AFF3: variants seen among roughly 807,000 people sequenced by gnomAD.
AFF3 encodes the protein ALF transcription elongation factor 3.
Under a neutral mutation model 129.7 loss-of-function variants are expected in AFF3, and 32 were observed. The observed-to-expected ratio is 0.25, with a 90% CI of 0.19 to 0.33. AFF3 has a LOEUF of 0.33. AFF3 is among the 10% of genes least tolerant of loss of function. The pLI, the probability that AFF3 is intolerant of heterozygous loss-of-function variation, is 1.00. For synonymous variants in AFF3, 644 were observed against 635.4 expected (o/e 1.01, Z -0.20); for missense variants, 1,373 against 1,592.0 (o/e 0.86, Z 2.34).
chr2:100,016,582 C>T (rs62645272), intron 4 of AFF3, among the ~76,000 whole-genome samples: 34,779 of 125,182 alleles, frequency 0.28, 6,768 homozygotes, highest in African/African-American at 0.59. Flanking sequence ...ATGTTAGTGA[C>T]AGTAGTGATG....
chr2:99,800,668 A>G (rs1341413083), intron 8 of AFF3, among the ~76,000 whole-genome samples: 1 of 152,226 alleles, frequency 6.6e-6, no homozygotes, highest in African/African-American at 2.4e-5. Flanking sequence ...AAATGGATAC[A>G]ACCCAAACGT....
In AFF3 at chr2:99,554,515, G is replaced by A; in HGVS notation, c.3355C>T (p.Pro1119Ser). 6.2e-7 allele frequency: 1 copy of A among 1,613,418 alleles called. No individual in the cohort carries two copies. The highest frequency in any genetic ancestry group is 8.5e-7 in the Non-Finnish European group (1 of 1,179,876). Residue 1119 changes from proline (P) to serine (S), a missense_variant, in exon 24 of 25, where the codon CCC becomes TCC. Around this residue, in one of 9 missense-constraint regions of AFF3, gnomAD observed 165 missense variants for 234.0 expected, o/e 0.71. Transcript: ENST00000672756. ...GCGGGAGAGGGGTTGGGAGACATGG[G>A]GGATGGGGTTCCAGTGCTCCTGGAA... The part of the protein sequence containing the change: ...ASGKSTGTPS[P>S]MSPNPSPASS...
chr2:100,024,279 A>G (rs1037663457), intron 4 of AFF3, among the ~76,000 whole-genome samples: 5 of 147,312 alleles, frequency 3.4e-5, no homozygotes, highest in Admixed American at 6.8e-5. Flanking sequence ...AGAATTATTT[A>G]TAATTATAAA....
At chr2:99,576,039 A>AT (rs528574305) in intron 18 of AFF3, among the ~76,000 whole-genome samples, 27,486 of 145,340 alleles carry the variant, frequency 0.19, 2,678 homozygotes, top group East Asian at 0.36. Context: ...GTGAGACATG[A>AT]TTTTTTTTTT....
At position 100,137,536 on chromosome 2, in the gene AFF3, T is replaced by TACACACACACACAC. The variant is rs3038476; in HGVS notation, c.-228+4934_-228+4947dup. On this transcript the variant is annotated intron_variant, in intron 1 of 24. Transcript: ENST00000672756. ...GCATGTGTGCACGTGCACACGTGCA[T>TACACACACACACAC]ACACACACACACACACACACACAGA... Among the ~76,000 whole-genome samples, 6 of 144,138 alleles carry TACACACACACACAC rather than the reference T, an allele frequency of 4.2e-5. No individual in the cohort carries two copies. The South Asian group carries it at 6.7e-4, about 16-fold the overall frequency. 94.6% of individuals were successfully genotyped at this position (144,138 alleles called of 152,430 possible).
intron 7 of AFF3, among the ~76,000 whole-genome samples, chr2:99,968,119 A>G (rs1677972361): frequency 6.6e-6 from 1 of 152,072 alleles, no homozygotes; most frequent in Admixed American, 6.5e-5. Flanking sequence ...TCCTCCTCTC[A>G]AGGCCCACTC....
chr2:99,950,228 C>T (rs949620245), intron 7 of AFF3, among the ~76,000 whole-genome samples: 1 of 152,198 alleles, frequency 6.6e-6, no homozygotes, highest in African/African-American at 2.4e-5. Flanking sequence ...TTAAATGTAA[C>T]ATAATAGTAA....
At chr2:100,134,353 T>C (rs1226520694) in intron 1 of AFF3, among the ~76,000 whole-genome samples, 1 of 152,244 alleles carries the variant, frequency 6.6e-6, no homozygotes, top group East Asian at 1.9e-4. Flanking sequence ...AAATTTTTCT[T>C]CCCAACTGCT....
At chr2:99,985,559 G>C (rs915144457) in intron 7 of AFF3, among the ~76,000 whole-genome samples, 16 of 152,104 alleles carry the variant, frequency 1.1e-4, no homozygotes, top group African/African-American at 3.4e-4. Flanking sequence ...GAGAGGTAAG[G>C]ATAAATTAAT....
At chr2:99,808,746 G>A (rs1041118625) in intron 8 of AFF3, among the ~76,000 whole-genome samples, 1 of 152,172 alleles carries the variant, frequency 6.6e-6, no homozygotes, top group Non-Finnish European at 1.5e-5. Context: ...TAAAAATGAT[G>A]TACAATGTCA....
intron 8 of AFF3, among the ~76,000 whole-genome samples, chr2:99,833,797 T>C (rs767427649): frequency 1.3e-5 from 2 of 152,190 alleles, no homozygotes; most frequent in Non-Finnish European, 2.9e-5. Context: ...AAACTGCCTG[T>C]TACAAACATA....
chr2:100,113,087 G>A (rs1173135916), intron 2 of AFF3, among the ~76,000 whole-genome samples: 2 of 152,180 alleles, frequency 1.3e-5, no homozygotes, highest in Non-Finnish European at 2.9e-5. Flanking sequence ...CTTGAAGAAT[G>A]CAACCTCAAG....
intron 8 of AFF3, among the ~76,000 whole-genome samples, chr2:99,796,100 T>C (rs1270961381): frequency 6.6e-6 from 1 of 152,128 alleles, no homozygotes; most frequent in East Asian, 1.9e-4. Flanking sequence ...CCTCTTAAAC[T>C]CTCACCTGCA....
At position 100,071,234 on chromosome 2, in the gene AFF3, G is replaced by A. The variant is rs576520852; in HGVS notation, c.53+33168C>T. On this transcript the variant is annotated intron_variant, in intron 4 of 24. Coordinates refer to ENST00000672756, the MANE Select transcript of AFF3 (RefSeq NM_001386135.1). ...AAGAAGAAATAGAATGTATGCAAAA[G>A]CTTTTAATTCTGGAAATGTCATCAT... Among the ~76,000 whole-genome samples, 8 of 152,142 alleles carry A rather than the reference G, an allele frequency of 5.3e-5. No individual in the cohort carries two copies. In the South Asian group the frequency reaches 1.5e-3, roughly 28 times the overall value.
At chr2:100,038,554 G>C (rs1685164554) in intron 4 of AFF3, among the ~76,000 whole-genome samples, 3 of 152,090 alleles carry the variant, frequency 2.0e-5, no homozygotes, top group Non-Finnish European at 4.4e-5. Context: ...AAGACATCAT[G>C]TGGCTTGCAG....
intron 7 of AFF3, among the ~76,000 whole-genome samples, chr2:99,869,573 T>C (rs575356948): frequency 3.9e-5 from 6 of 152,306 alleles, no homozygotes; most frequent in African/African-American, 1.4e-4. Flanking sequence ...TAAGTAATAT[T>C]GAAAAATAAT....
intron 7 of AFF3, among the ~76,000 whole-genome samples, chr2:99,860,805 G>C (rs1360052622): frequency 6.6e-6 from 1 of 152,084 alleles, no homozygotes; most frequent in Non-Finnish European, 1.5e-5. Context: ...CCTGACATAT[G>C]TATATATTGT....
chr2:99,811,278 C>T (rs547414368), intron 8 of AFF3, among the ~76,000 whole-genome samples: 1 of 152,192 alleles, frequency 6.6e-6, no homozygotes, highest in African/African-American at 2.4e-5. Context: ...ATATTAACAA[C>T]CAAAACCAAC....
chr2:99,650,796 A>ATGTGTGTGTG (rs142082185), intron 12 of AFF3, among the ~76,000 whole-genome samples: 3,171 of 144,790 alleles, frequency 0.022, 51 homozygotes, highest in Non-Finnish European at 0.037. Context: ...ACTAAAATTA[A>ATGTGTGTGTG]TGTGTGTGTG....
Sources: allele counts gnomAD v4.1 joint callset (sites outside exome capture counted in the v4.1 genomes callset), GRCh38; gene constraint gnomAD v4.1.1; regional missense constraint gnomAD v4.1.1; transcripts MANE v1.5; gene names NCBI Gene and HGNC (gene_info 2026-07-23, HGNC 2026-07-21).